NPAS3: variants seen among roughly 807,000 people sequenced by gnomAD.
NPAS3 encodes neuronal PAS domain protein 3.
In NPAS3, 14 loss-of-function variants were observed where a neutral mutation model predicts 73.1. That is an observed-to-expected ratio of 0.19 (90% confidence interval 0.13 to 0.30). The LOEUF (loss-of-function observed/expected upper bound fraction) is 0.30, where lower values mean the gene tolerates loss of function less well. Ranked by LOEUF, NPAS3 falls within the 10% of genes least tolerant of loss-of-function variation. The probability of loss-of-function intolerance (pLI) is 1.00; values close to 1 mark genes in which losing one functional copy is unlikely to be tolerated. For missense variants in NPAS3, 1,096 were observed against 1,250.0 expected, an observed-to-expected ratio of 0.88 and a Z score of 1.86; for synonymous variants, 620 against 541.5, an observed-to-expected ratio of 1.14 and a Z score of -2.01.
chr14:33,588,031 C>A (rs111827062), intron 5 of NPAS3, among the ~76,000 whole-genome samples: 1 of 152,054 alleles, frequency 6.6e-6, no homozygotes, highest in Non-Finnish European at 1.5e-5. Flanking sequence ...GAGTGTGTTC[C>A]CTAAAATGAA....
At chr14:32,985,001 A>G (rs947509761) in intron 1 of NPAS3, among the ~76,000 whole-genome samples, 1 of 152,170 alleles carries the variant, frequency 6.6e-6, no homozygotes, top group African/African-American at 2.4e-5. Context: ...TCCTGGGTAT[A>G]ATGTGCATAA....
chr14:33,280,923 C>T (rs1177828707), intron 3 of NPAS3, among the ~76,000 whole-genome samples: 1 of 152,244 alleles, frequency 6.6e-6, no homozygotes, highest in Non-Finnish European at 1.5e-5. Context: ...AAGGAATTTA[C>T]AAGAAGTGAA....
At chr14:33,583,551 T>C (rs1282824451) in intron 5 of NPAS3, 1 of 152,214 alleles carries the variant, frequency 6.6e-6, no homozygotes, top group Non-Finnish European at 1.5e-5. Context: ...GGCATACCAG[T>C]TATTAATACT....
intron 6 of NPAS3, among the ~76,000 whole-genome samples, chr14:33,725,125 T>C (rs561232306): frequency 1.3e-5 from 2 of 152,248 alleles, no homozygotes; most frequent in South Asian, 4.1e-4. Context: ...TTTATTCCCC[T>C]AACAATGTCT....
chr14:33,037,807 G>A (rs2040220050), intron 1 of NPAS3, among the ~76,000 whole-genome samples: 1 of 152,204 alleles, frequency 6.6e-6, no homozygotes, highest in South Asian at 2.1e-4. Context: ...AATAATTTAA[G>A]AGGACATTTC....
chr14:33,251,113 A>G (rs1434323479), intron 3 of NPAS3, among the ~76,000 whole-genome samples: 1 of 152,112 alleles, frequency 6.6e-6, no homozygotes, highest in Non-Finnish European at 1.5e-5. Flanking sequence ...TTTTCATTGG[A>G]ACAAGCTAAG....
intron 3 of NPAS3, among the ~76,000 whole-genome samples, chr14:33,244,036 G>T (rs1447418620): frequency 1.3e-5 from 2 of 151,912 alleles, no homozygotes; most frequent in Non-Finnish European, 1.5e-5. Flanking sequence ...TCAGTTCTGT[G>T]CACATAGCTT....
At chr14:32,938,506 A>ATT, upstream of NPAS3, among the ~76,000 whole-genome samples, 1 of 116,306 alleles carries the variant, frequency 8.6e-6, no homozygotes, top group African/African-American at 3.6e-5. Flanking sequence ...AGAGAGAGAG[A>ATT]GAGAGAGAGA....
At chr14:33,533,986 A>C (rs904405735) in intron 4 of NPAS3, among the ~76,000 whole-genome samples, 6 of 152,116 alleles carry the variant, frequency 3.9e-5, no homozygotes, top group African/African-American at 1.4e-4. Flanking sequence ...TTAAAAAATA[A>C]TACTCTTTAC....
At chr14:33,350,244 A>T (rs910629227) in intron 3 of NPAS3, among the ~76,000 whole-genome samples, 2 of 152,230 alleles carry the variant, frequency 1.3e-5, no homozygotes, top group Non-Finnish European at 2.9e-5. Context: ...TTGTAACTAG[A>T]TAAATAGCCA....
At chr14:33,665,196 G>T (rs1319314114) in intron 5 of NPAS3, among the ~76,000 whole-genome samples, 2 of 152,142 alleles carry the variant, frequency 1.3e-5, no homozygotes, top group African/African-American at 2.4e-5. Flanking sequence ...ATGAGTTCAT[G>T]TCCTTTGCAG....
chr14:33,550,250 C>A (rs1226540223), intron 4 of NPAS3, among the ~76,000 whole-genome samples: 1 of 152,152 alleles, frequency 6.6e-6, no homozygotes, highest in Non-Finnish European at 1.5e-5. Flanking sequence ...AACTCCTGGG[C>A]TCACACGATT....
At chr14:33,560,316 T>C in intron 5 of NPAS3, 106 bp downstream of exon 5, 1 of 601,664 alleles carries the variant, frequency 1.7e-6, no homozygotes. Context: ...TTATCAAATG[T>C]ATTATTTAAT....
At chr14:33,056,318 A>T (rs2040888428) in intron 2 of NPAS3, among the ~76,000 whole-genome samples, 1 of 152,194 alleles carries the variant, frequency 6.6e-6, no homozygotes, top group African/African-American at 2.4e-5. Flanking sequence ...TCTCGGCAAA[A>T]TACATTGCAC....
At chr14:33,572,308 A>T in intron 5 of NPAS3, among the ~76,000 whole-genome samples, 1 of 152,164 alleles carries the variant, frequency 6.6e-6, no homozygotes, top group East Asian at 1.9e-4. Flanking sequence ...TTAAAAATTT[A>T]AAAGGCTTTA....
chr14:33,201,731 T>C (rs2046626132), intron 2 of NPAS3, among the ~76,000 whole-genome samples: 1 of 152,156 alleles, frequency 6.6e-6, no homozygotes, highest in Admixed American at 6.5e-5. Context: ...GATTATAGGT[T>C]CTGATACTAA....
intron 3 of NPAS3, among the ~76,000 whole-genome samples, chr14:33,233,215 A>G (rs944821791): frequency 3.3e-5 from 5 of 152,214 alleles, no homozygotes; most frequent in African/African-American, 1.2e-4. Flanking sequence ...CTAAACAGTC[A>G]CATAGTTCAT....
chr14:33,051,687 C>T (rs1277836546), intron 1 of NPAS3, among the ~76,000 whole-genome samples: 2 of 152,126 alleles, frequency 1.3e-5, no homozygotes, highest in Non-Finnish European at 2.9e-5. Context: ...TTCAAACCCT[C>T]AAAGAGGTGA....
At chr14:33,079,167 T>C (rs8021142) in intron 2 of NPAS3, among the ~76,000 whole-genome samples, 44,084 of 151,886 alleles carry the variant, frequency 0.29, 6,370 homozygotes, top group South Asian at 0.41. Context: ...CCATTTTTCA[T>C]TGAAGGGAGA....
Sources: allele counts gnomAD v4.1 joint callset (sites outside exome capture counted in the v4.1 genomes callset), GRCh38; gene constraint gnomAD v4.1.1; transcripts MANE v1.5; gene names NCBI Gene and HGNC (gene_info 2026-07-23, HGNC 2026-07-21).